ARHGAP29: variants seen among roughly 807,000 people sequenced by gnomAD.
The protein encoded by ARHGAP29 is Rho GTPase activating protein 29, also known as rho GTPase-activating protein 29.
ARHGAP29 carries 43 observed loss-of-function variants against 122.6 expected under a neutral mutation model. The ratio of observed to expected loss-of-function variants is 0.35; its 90% CI spans 0.27 to 0.45. The LOEUF (loss-of-function observed/expected upper bound fraction) is 0.45, where lower values mean the gene tolerates loss of function less well. Ranked by LOEUF, ARHGAP29 falls within the 20% of genes least tolerant of loss-of-function variation. The pLI is 1.00. For missense variants in ARHGAP29, 1,303 were observed against 1,477.2 expected, an observed-to-expected ratio of 0.88 and a Z score of 1.93; for synonymous variants, 506 against 497.1, an observed-to-expected ratio of 1.02 and a Z score of -0.24.
the ARHGAP29 span, among the ~76,000 whole-genome samples, chr1:94,287,766 C>T: frequency 6.7e-6 from 1 of 148,940 alleles, no homozygotes; most frequent in Non-Finnish European, 1.5e-5. Context: ...GTTTTCTGTC[C>T]TTGTGATAGT....
chr1:94,276,145 C>A (rs2100741471), upstream of ARHGAP29, among the ~76,000 whole-genome samples: 1 of 151,874 alleles, frequency 6.6e-6, no homozygotes, highest in East Asian at 1.9e-4. Flanking sequence ...GTAATCTCAG[C>A]TACTTGGGAA....
chr1:94,227,415 A>G (rs1652673221), intron 2 of ARHGAP29, among the ~76,000 whole-genome samples: 1 of 151,760 alleles, frequency 6.6e-6, no homozygotes, highest in African/African-American at 2.4e-5. Context: ...CAAAAAAAGA[A>G]AAGAAAAAGA....
At chr1:94,219,500 CCTT>C (rs1395497847) in intron 3 of ARHGAP29, among the ~76,000 whole-genome samples, 1 of 152,176 alleles carries the variant, frequency 6.6e-6, no homozygotes, top group African/African-American at 2.4e-5. Context: ...GACATCCATT[CCTT>C]CTTATTTAAC....
Position 94,172,650 on chromosome 1 carries a change from T to C in ARHGAP29, c.*1219A>G, listed in dbSNP as rs1414829453. On this transcript the variant is annotated 3_prime_UTR_variant, in exon 23 of 23. Transcript: ENST00000260526. ...ATATATATTATCAAGTATAACACAG[T>C]CATACAAAAACATTTAGTAGAAATA... 2 of 149,966 alleles carry C rather than the reference T, an allele frequency of 1.3e-5. No homozygotes were observed. The highest frequency in any genetic ancestry group is 3.0e-5 in the Non-Finnish European group (2 of 67,368). The allele number at this position is 149,966 out of a possible 1,614,324, so 9.3% of individuals were successfully genotyped here.
chr1:94,300,476 C>T, the ARHGAP29 span, among the ~76,000 whole-genome samples: 2 of 152,082 alleles, frequency 1.3e-5, no homozygotes, highest in Admixed American at 1.3e-4. Flanking sequence ...TAGTGCTGAC[C>T]TCATCTGACC....
chr1:94,273,276 C>T (rs1055445285), intron 1 of ARHGAP29, among the ~76,000 whole-genome samples: 1 of 152,230 alleles, frequency 6.6e-6, no homozygotes, highest in Admixed American at 6.5e-5. Flanking sequence ...TGAGTCAGAA[C>T]GCTCTCCTCC....
chr1:94,201,571 A>C (rs1650852052), intron 12 of ARHGAP29, 149 bp downstream of exon 12: 1 of 729,430 alleles, frequency 1.4e-6, no homozygotes, highest in African/African-American at 1.9e-5. Context: ...GGGTAATCAT[A>C]ATCGAAGCTC....
At position 94,182,315 on chromosome 1, in the gene ARHGAP29, A is replaced by G. The variant is rs76359504; in HGVS notation, c.2247+1836T>C. On this transcript the variant is annotated intron_variant, in intron 19 of 22. Coordinates refer to ENST00000260526, the MANE Select transcript of ARHGAP29 (RefSeq NM_004815.4). ...TGAATGATAGAGAAAAGATAAGGGA[A>G]CTAGAGAACCTGTCCAGGTTGTCAA... Among the ~76,000 whole-genome samples, 240 of 152,190 alleles carry G rather than the reference A, an allele frequency of 1.6e-3. 3 individuals are homozygous for G. Among genetic ancestry groups the G allele is most frequent in the African/African-American group, 5.4e-3 (224 of 41,558 alleles).
the ARHGAP29 span, among the ~76,000 whole-genome samples, chr1:94,306,149 C>T: frequency 6.6e-6 from 1 of 152,240 alleles, no homozygotes; most frequent in Non-Finnish European, 1.5e-5. Context: ...TAGTCGGGCC[C>T]TGGGTATCAT....
At chr1:94,262,631 C>T (rs192049389) in intron 1 of ARHGAP29, among the ~76,000 whole-genome samples, 32 of 151,994 alleles carry the variant, frequency 2.1e-4, no homozygotes, top group Admixed American at 1.1e-3. Flanking sequence ...TACATGCAGC[C>T]GATAAGTATA....
In ARHGAP29 at chr1:94,186,585, C is replaced by T. The variant is rs747148271; in HGVS notation, c.1694G>A (p.Arg565Gln). ...ACTGGATGGTGTTCGTGGAAGTTTT[C>T]GATGAAAGTCTCCTAGAAGAAAATT... ...SESISPGDFHRKLPRTPSSGT... is the reference protein window; with the variant it reads ...SESISPGDFHQKLPRTPSSGT... Residue 565 changes from arginine (R) to glutamine (Q), a missense_variant, in exon 16 of 23, where the codon CGA (arginine) becomes CAA (glutamine). Arg to Gln is a conservative substitution (Grantham distance 43). Transcript: ENST00000260526. The T allele has an allele frequency of 2.8e-5, 45 of 1,612,832 alleles. No individual in the cohort carries two copies. Among genetic ancestry groups the T allele is most frequent in the East Asian group, 2.5e-4 (11 of 44,820 alleles).
upstream of ARHGAP29, chr1:94,237,654 CCCAG>C (rs1653382867): frequency 3.0e-6 from 3 of 986,432 alleles, no homozygotes; most frequent in South Asian, 1.4e-4. Flanking sequence ...CCCCCTGGAG[CCCAG>C]CCCATTGGCC....
the ARHGAP29 span, among the ~76,000 whole-genome samples, chr1:94,308,318 C>T: frequency 6.6e-6 from 1 of 152,100 alleles, no homozygotes; most frequent in Non-Finnish European, 1.5e-5. Flanking sequence ...TCTCAATTTA[C>T]CCCCCTTCCC....
At chr1:94,311,609 G>T in the ARHGAP29 span, among the ~76,000 whole-genome samples, 10 of 152,310 alleles carry the variant, frequency 6.6e-5, no homozygotes, top group East Asian at 1.5e-3. Context: ...AATTTTAAGT[G>T]ATCTCAAACC....
At chr1:94,229,709 G>T (rs1470261463) in intron 2 of ARHGAP29, among the ~76,000 whole-genome samples, 1 of 151,504 alleles carries the variant, frequency 6.6e-6, no homozygotes, top group Non-Finnish European at 1.5e-5. Flanking sequence ...TTACCTCAGG[G>T]GGTAGTCTCT....
At chr1:94,175,693 TTTTA>T (rs1358473673) in intron 22 of ARHGAP29, among the ~76,000 whole-genome samples, 4 of 152,036 alleles carry the variant, frequency 2.6e-5, no homozygotes, top group Non-Finnish European at 4.4e-5. Flanking sequence ...TCCAAGGCTC[TTTTA>T]TTGTTTTGTT....
At position 94,171,270 on chromosome 1, in the gene ARHGAP29, C is replaced by T. The variant is rs1249165880; in HGVS notation, c.*2599G>A. Reference sequence around the variant, plus strand: ...GTCTCAGGGATCATATAGTCTTTGTCTCTGTATCAAAACAAATACACTGCC... The same window carrying T: ...GTCTCAGGGATCATATAGTCTTTGTTTCTGTATCAAAACAAATACACTGCC... On this transcript the variant is annotated 3_prime_UTR_variant, in exon 23 of 23. Coordinates refer to ENST00000260526, the MANE Select transcript of ARHGAP29 (RefSeq NM_004815.4). Among the ~76,000 whole-genome samples, 1 of 152,128 alleles carries T rather than the reference C, an allele frequency of 6.6e-6. No individual in the cohort carries two copies. Among genetic ancestry groups the T allele is most frequent in the Non-Finnish European group, 1.5e-5 (1 of 68,040 alleles).
At chr1:94,183,824 TAAGAG>T (rs1029185817) in intron 19 of ARHGAP29, among the ~76,000 whole-genome samples, 21 of 152,322 alleles carry the variant, frequency 1.4e-4, no homozygotes, top group African/African-American at 4.8e-4. Flanking sequence ...TTAAAACTAT[TAAGAG>T]AAGAGAGAGA....
At chr1:94,242,616 C>A (rs1348720429), upstream of ARHGAP29, among the ~76,000 whole-genome samples, 24 of 130,110 alleles carry the variant, frequency 1.8e-4, no homozygotes, top group African/African-American at 4.0e-4. Context: ...TTCAAAAAAT[C>A]AAAAAAAAAA....
Sources: gnomAD v4.1 joint callset for allele counts (sites outside exome capture counted in the v4.1 genomes callset) on GRCh38, gnomAD v4.1.1 for gene constraint, MANE v1.5 for transcripts, NCBI Gene and HGNC (gene_info 2026-07-23, HGNC 2026-07-21) for gene names.